Variants in NBAS observed in about 807,000 individuals in gnomAD.
NBAS encodes NAG/BC035112 fusion.
NBAS carries 219 observed loss-of-function variants against 302.5 expected under a neutral mutation model. The observed-to-expected ratio is 0.72, with a 90% confidence interval of 0.65 to 0.81. The LOEUF is 0.81. Ranked by LOEUF, NBAS falls within the 30% of genes least tolerant of loss-of-function variation. The probability of loss-of-function intolerance (pLI) is 0.00; values close to 1 mark genes in which losing one functional copy is unlikely to be tolerated. For missense variants in NBAS, 2,932 were observed against 2,841.6 expected, an observed-to-expected ratio of 1.03 and a Z score of -0.72; for synonymous variants, 1,118 against 1,021.6, an observed-to-expected ratio of 1.09 and a Z score of -1.80.
the NBAS span, among the ~76,000 whole-genome samples, chr2:14,785,957 CTATT>C: frequency 1.3e-5 from 2 of 152,052 alleles, no homozygotes; most frequent in African/African-American, 4.8e-5. Context: ...GTCCTGGACT[CTATT>C]TAGTTGGTAA....
At chr2:15,429,314 T>C (rs1325044592) in intron 21 of NBAS, among the ~76,000 whole-genome samples, 1 of 152,252 alleles carries the variant, frequency 6.6e-6, no homozygotes, top group Non-Finnish European at 1.5e-5. Flanking sequence ...CAAACTTCAA[T>C]TGCCTTGCTT....
At chr2:15,022,464 CTACT>C in the NBAS span, among the ~76,000 whole-genome samples, 5 of 152,114 alleles carry the variant, frequency 3.3e-5, no homozygotes, top group Admixed American at 2.0e-4. Context: ...CTAGGTTTTT[CTACT>C]TACTTAACCT....
chr2:14,863,105 C>T, the NBAS span, among the ~76,000 whole-genome samples: 1 of 152,216 alleles, frequency 6.6e-6, no homozygotes, highest in Non-Finnish European at 1.5e-5. Context: ...GTCTTCTTTA[C>T]TCTGGAATAT....
the NBAS span, among the ~76,000 whole-genome samples, chr2:15,002,204 T>C: frequency 6.6e-6 from 1 of 151,976 alleles, no homozygotes; most frequent in Non-Finnish European, 1.5e-5. Context: ...AGGCTGCTGA[T>C]TGGTGTGTTT....
chr2:15,177,587 T>C (rs1472465427), intron 51 of NBAS, among the ~76,000 whole-genome samples: 1 of 152,150 alleles, frequency 6.6e-6, no homozygotes, highest in Non-Finnish European at 1.5e-5. Context: ...AAGAGGCCCA[T>C]GGCAAATTTT....
intron 21 of NBAS, among the ~76,000 whole-genome samples, chr2:15,432,920 A>G (rs1252605131): frequency 1.3e-5 from 2 of 152,198 alleles, no homozygotes; most frequent in Non-Finnish European, 2.9e-5. Context: ...ATTTATAAAT[A>G]ACTTAGAAAA....
the NBAS span, among the ~76,000 whole-genome samples, chr2:15,040,624 C>T: frequency 6.6e-6 from 1 of 152,210 alleles, no homozygotes; most frequent in African/African-American, 2.4e-5. Context: ...CTGCACCAAG[C>T]TCGTGGCAAT....
intron 9 of NBAS, among the ~76,000 whole-genome samples, chr2:15,528,886 T>A (rs1327341559): frequency 3.6e-4 from 19 of 52,136 alleles, no homozygotes; most frequent in African/African-American, 9.3e-4. Context: ...AAAATATATA[T>A]ATATATATAT....
At chr2:14,981,148 AG>A in the NBAS span, among the ~76,000 whole-genome samples, 32 of 152,202 alleles carry the variant, frequency 2.1e-4, no homozygotes, top group African/African-American at 7.5e-4. Flanking sequence ...CAAGACTGTA[AG>A]GGCCCACCAA....
chr2:15,240,861 A>G (rs531137649), intron 44 of NBAS, among the ~76,000 whole-genome samples: 8 of 152,258 alleles, frequency 5.3e-5, no homozygotes, highest in African/African-American at 1.9e-4. Flanking sequence ...CCACAAATAA[A>G]CTGTTAACTC....
chr2:15,319,770 A>G (rs1416931012), intron 38 of NBAS, among the ~76,000 whole-genome samples: 2 of 152,182 alleles, frequency 1.3e-5, no homozygotes, highest in Non-Finnish European at 2.9e-5. Flanking sequence ...TACCAACCAA[A>G]AAAAGTCCAG....
rs1448009715 is a variant in NBAS, at chr2:15,398,733, G to C, written c.3072-2258C>G. ...TGAGAGAATATAAATTGACAAACTT[G>C]GCATGAAGAACAAAGAGAACCACAG... On this transcript the variant is annotated intron_variant, in intron 26 of 51. Transcript: ENST00000281513. Among the ~76,000 whole-genome samples, 6 of 152,084 alleles carry C rather than the reference G, an allele frequency of 3.9e-5. No individual in the cohort carries two copies. In the East Asian group the frequency reaches 1.2e-3, roughly 29 times the overall value.
chr2:15,190,722 A>C (rs958733251), intron 48 of NBAS, among the ~76,000 whole-genome samples: 1 of 152,180 alleles, frequency 6.6e-6, no homozygotes, highest in African/African-American at 2.4e-5. Context: ...TGAAATTGTA[A>C]TATTTCACCA....
the NBAS span, among the ~76,000 whole-genome samples, chr2:15,066,923 G>C: frequency 6.6e-6 from 1 of 152,056 alleles, no homozygotes; most frequent in African/African-American, 2.4e-5. Context: ...TTGCAGCATT[G>C]TTCACAATAG....
At chr2:15,146,903 T>C in the NBAS span, among the ~76,000 whole-genome samples, 1 of 152,134 alleles carries the variant, frequency 6.6e-6, no homozygotes, top group African/African-American at 2.4e-5. Context: ...CTCTTAGACC[T>C]GCATTAAATA....
chr2:15,085,787 G>A, the NBAS span, among the ~76,000 whole-genome samples: 4 of 152,202 alleles, frequency 2.6e-5, no homozygotes, highest in African/African-American at 4.8e-5. Flanking sequence ...TCAGAGAAAC[G>A]TGGAGCAGGG....
chr2:14,821,031 A>G, the NBAS span, among the ~76,000 whole-genome samples: 363 of 151,190 alleles, frequency 2.4e-3, no homozygotes, highest in African/African-American at 8.0e-3. Flanking sequence ...CCGGATTCAC[A>G]CCATTCTGCC....
At chr2:15,270,560 C>A (rs576109244) in intron 44 of NBAS, among the ~76,000 whole-genome samples, 1 of 152,088 alleles carries the variant, frequency 6.6e-6, no homozygotes, top group East Asian at 1.9e-4. Context: ...ATTAAAGCAT[C>A]CTGAGATCAA....
chr2:15,398,519 T>A (rs1675988851), intron 26 of NBAS, among the ~76,000 whole-genome samples: 1 of 152,204 alleles, frequency 6.6e-6, no homozygotes, highest in African/African-American at 2.4e-5. Context: ...TCTTCCTTTG[T>A]GAGCTGACAT....
Sources: allele counts gnomAD v4.1 joint callset (sites outside exome capture counted in the v4.1 genomes callset), GRCh38; gene constraint gnomAD v4.1.1; transcripts MANE v1.5; gene names NCBI Gene and HGNC (gene_info 2026-07-23, HGNC 2026-07-21).